The following AIM2 variants were observed in gnomAD, a reference collection of about 807,000 sequenced individuals.
AIM2 encodes the protein interferon-inducible protein AIM2.
A neutral mutation model predicts 27.7 loss-of-function variants in AIM2; 30 were observed. The ratio of observed to expected loss-of-function variants is 1.08; its 90% confidence interval spans 0.81 to 1.47. AIM2 has a LOEUF of 1.47. Among genes scored for constraint, AIM2 ranks in the 40% most tolerant of loss-of-function variants. AIM2 has a pLI of 0.00. For missense variants in AIM2, 358 were observed against 411.3 expected (o/e 0.87, Z 1.12); for synonymous variants, 141 against 145.3 (o/e 0.97, Z 0.21).
intron 1 of AIM2, among the ~76,000 whole-genome samples, chr1:159,130,202 C>G (rs912810834): frequency 1.3e-5 from 2 of 152,182 alleles, no homozygotes; most frequent in Non-Finnish European, 2.9e-5. Context: ...TCTGATGATT[C>G]CTTAAATGAT....
intron 1 of AIM2, among the ~76,000 whole-genome samples, chr1:159,131,216 G>C (rs1647864796): frequency 6.6e-6 from 1 of 152,124 alleles, no homozygotes; most frequent in African/African-American, 2.4e-5. Context: ...CAAAGTTCCG[G>C]ACCCACAGCA....
chr1:159,126,239 G>T (rs1205853513), intron 1 of AIM2, among the ~76,000 whole-genome samples: 1 of 152,192 alleles, frequency 6.6e-6, no homozygotes, highest in Non-Finnish European at 1.5e-5. Flanking sequence ...ACTGGCCTGG[G>T]AGTCTCCACC....
intron 2 of AIM2, among the ~76,000 whole-genome samples, chr1:159,069,759 G>A (rs1478842215): frequency 6.6e-6 from 1 of 152,066 alleles, no homozygotes; most frequent in Non-Finnish European, 1.5e-5. Context: ...TGTTAAGGCT[G>A]GTCTTGAGCT....
chr1:159,083,876 A>C (rs1192939359), intron 1 of AIM2, among the ~76,000 whole-genome samples: 1 of 152,264 alleles, frequency 6.6e-6, no homozygotes, highest in Non-Finnish European at 1.5e-5. Flanking sequence ...GTGGAATTCT[A>C]GGCCAATGGA....
intron 1 of AIM2, among the ~76,000 whole-genome samples, chr1:159,113,209 G>A (rs1236532304): frequency 6.6e-6 from 1 of 152,130 alleles, no homozygotes; most frequent in Non-Finnish European, 1.5e-5. Context: ...CTCCCAAAGT[G>A]CTGGGATTAC....
chr1:159,146,126 T>C (rs1055969573), intron 1 of AIM2, among the ~76,000 whole-genome samples: 8 of 151,186 alleles, frequency 5.3e-5, no homozygotes, highest in African/African-American at 1.5e-4. Flanking sequence ...AAAAAAAGAA[T>C]TCTAGAGAGT....
chr1:159,126,713 C>A (rs1446836605), intron 1 of AIM2, among the ~76,000 whole-genome samples: 2 of 150,560 alleles, frequency 1.3e-5, no homozygotes, highest in South Asian at 4.2e-4. Flanking sequence ...CCTGGTGAAA[C>A]CGAACAGGAA....
chr1:159,087,326 T>TAAAA (rs55914336), intron 1 of AIM2, among the ~76,000 whole-genome samples: 1 of 146,930 alleles, frequency 6.8e-6, no homozygotes. Flanking sequence ...GAGGTTGTGA[T>TAAAA]AAAAAAAAAA....
chr1:159,117,203 A>C (rs930060543), intron 1 of AIM2, among the ~76,000 whole-genome samples: 5 of 152,158 alleles, frequency 3.3e-5, no homozygotes, highest in Non-Finnish European at 7.3e-5. Context: ...AACGGAGGAG[A>C]CAGGTGCATT....
chr1:159,135,221 G>GT (rs1410084785), intron 1 of AIM2, among the ~76,000 whole-genome samples: 2 of 152,176 alleles, frequency 1.3e-5, no homozygotes. Flanking sequence ...AACTCTGTCA[G>GT]TTTTCCCTCT....
At chr1:159,098,226 C>T (rs1570962768) in intron 1 of AIM2, among the ~76,000 whole-genome samples, 1 of 152,108 alleles carries the variant, frequency 6.6e-6, no homozygotes, top group Non-Finnish European at 1.5e-5. Context: ...ACACAATCTA[C>T]AGATTATGTG....
At chr1:159,139,684 A>C (rs960222707) in intron 1 of AIM2, among the ~76,000 whole-genome samples, 7 of 152,240 alleles carry the variant, frequency 4.6e-5, no homozygotes, top group Admixed American at 3.9e-4. Context: ...TCACAGGTAT[A>C]GAGCTTCACA....
At chr1:159,146,564 C>T (rs895985628) in intron 1 of AIM2, among the ~76,000 whole-genome samples, 1 of 152,186 alleles carries the variant, frequency 6.6e-6, no homozygotes, top group Non-Finnish European at 1.5e-5. Flanking sequence ...CTTTCTGCAA[C>T]TGGCATTCCC....
intron 1 of AIM2, among the ~76,000 whole-genome samples, chr1:159,129,691 G>C (rs764168128): frequency 6.6e-6 from 1 of 152,166 alleles, no homozygotes; most frequent in Admixed American, 6.5e-5. Context: ...CTGAATAAGA[G>C]GGGAACAACT....
chr1:159,113,551 A>G (rs1003284551), intron 1 of AIM2, among the ~76,000 whole-genome samples: 1 of 152,252 alleles, frequency 6.6e-6, no homozygotes, highest in Non-Finnish European at 1.5e-5. Flanking sequence ...CAGTTAACTG[A>G]GGGTTTAAAA....
Position 159,062,620 on chromosome 1 carries a change from G to A in AIM2, c.*72C>T, listed in dbSNP as rs546874346. On this transcript the variant is annotated 3_prime_UTR_variant, in exon 6 of 6. Transcript: ENST00000368130. ...TCAGGTAACTTACAATCTGATTGAA[G>A]AGGCTGTATCACATATTCTTCAATT... 1.4e-6 allele frequency: 2 copies of A among 1,417,864 alleles called. No homozygotes were observed. Among genetic ancestry groups the A allele is most frequent in the Non-Finnish European group, 2.0e-6 (2 of 1,008,960 alleles). 87.8% of individuals were successfully genotyped at this position (1,417,864 alleles called of 1,614,324 possible).
At chr1:159,139,348 G>A (rs570862644) in intron 1 of AIM2, among the ~76,000 whole-genome samples, 4 of 152,324 alleles carry the variant, frequency 2.6e-5, no homozygotes, top group Admixed American at 6.5e-5. Flanking sequence ...GGATGTTCCA[G>A]GCAGGGGCTG....
In AIM2 at chr1:159,111,428, C is replaced by T. The variant is rs548571389; in HGVS notation, c.-16+29003G>A. Among the ~76,000 whole-genome samples the T allele has an allele frequency of 2.1e-3, 326 of 152,248 alleles. 7 individuals are homozygous for T. The highest frequency in any genetic ancestry group is 2.2e-3 in the Non-Finnish European group (150 of 68,034). ...GTACCAAATGCCACAGAATTGCTCA[C>T]TTTAAAATGGTTACTTTTACATTAC... is the stretch of plus-strand genomic sequence containing the variant. On this transcript the variant is annotated intron_variant, in intron 1 of 2. Transcript: ENST00000368129.
intron 1 of AIM2, among the ~76,000 whole-genome samples, chr1:159,089,326 T>C (rs1394509241): frequency 6.6e-6 from 1 of 152,218 alleles, no homozygotes; most frequent in Non-Finnish European, 1.5e-5. Context: ...ATGGTAGAAA[T>C]AAGATTTGAA....
Sources: gnomAD v4.1 joint callset for allele counts (sites outside exome capture counted in the v4.1 genomes callset) on GRCh38, gnomAD v4.1.1 for gene constraint, MANE v1.5 for transcripts, NCBI Gene and HGNC (gene_info 2026-07-23, HGNC 2026-07-21) for gene names.